OR9Q1: variants seen among roughly 807,000 people sequenced by gnomAD.
OR9Q1 encodes olfactory receptor 9Q1.
For missense variants in OR9Q1, 374 were observed against 378.8 expected, an observed-to-expected ratio of 0.99 and a Z score of 0.11; for synonymous variants, 153 against 148.6, an observed-to-expected ratio of 1.03 and a Z score of -0.22.
intron 2 of OR9Q1, among the ~76,000 whole-genome samples, chr11:58,090,160 CTG>C (rs1214027712): frequency 6.6e-6 from 1 of 152,160 alleles, no homozygotes. Flanking sequence ...TCTGATTGCG[CTG>C]GTCAGAACTT....
chr11:58,109,788 T>C (rs747870848), intron 2 of OR9Q1: 17 of 349,558 alleles, frequency 4.9e-5, no homozygotes, highest in Non-Finnish European at 9.5e-5. Flanking sequence ...AGAAAAAAAG[T>C]ATTTACCATC....
intron 2 of OR9Q1, among the ~76,000 whole-genome samples, chr11:58,120,938 A>C (rs557428801): frequency 8.6e-5 from 13 of 151,834 alleles, no homozygotes; most frequent in Admixed American, 3.3e-4. Flanking sequence ...TAACAAAAAA[A>C]TCAGTCTTTT....
chr11:58,139,618 A>C (rs1854224154), intron 2 of OR9Q1, among the ~76,000 whole-genome samples: 1 of 151,948 alleles, frequency 6.6e-6, no homozygotes, highest in Non-Finnish European at 1.5e-5. Flanking sequence ...TGAACTCATC[A>C]TTTTTTATGG....
At chr11:58,163,784 C>T (rs1854476762) in intron 2 of OR9Q1, among the ~76,000 whole-genome samples, 1 of 152,106 alleles carries the variant, frequency 6.6e-6, no homozygotes, top group Non-Finnish European at 1.5e-5. Context: ...ACACAGCTGG[C>T]GAGGGTGGCA....
intron 2 of OR9Q1, among the ~76,000 whole-genome samples, chr11:58,106,353 T>C (rs1279674128): frequency 6.6e-6 from 1 of 152,114 alleles, no homozygotes; most frequent in Non-Finnish European, 1.5e-5. Flanking sequence ...ATTTATTTTA[T>C]TACAATTGAG....
chr11:58,170,318 T>A (rs1407599010), intron 2 of OR9Q1, among the ~76,000 whole-genome samples: 1 of 146,194 alleles, frequency 6.8e-6, no homozygotes, highest in Non-Finnish European at 1.5e-5. Context: ...CTCTCCAGCC[T>A]ACACATAACA....
intron 2 of OR9Q1, among the ~76,000 whole-genome samples, chr11:58,175,763 G>T (rs1470252740): frequency 1.0e-4 from 15 of 150,526 alleles, no homozygotes; most frequent in African/African-American, 3.4e-4. Flanking sequence ...TTTTCTCTTG[G>T]TTATCATAAT....
At chr11:58,037,677 A>T (rs865820925) in intron 1 of OR9Q1, among the ~76,000 whole-genome samples, 2 of 32,370 alleles carry the variant, frequency 6.2e-5, no homozygotes, top group Non-Finnish European at 1.2e-4. Flanking sequence ...ATATATATAT[A>T]TATATATATA....
chr11:58,031,994 G>GC, intron 1 of OR9Q1: 1 of 716,330 alleles, frequency 1.4e-6, no homozygotes. Context: ...AATCAAGAAT[G>GC]CAGTTCCATT....
intron 2 of OR9Q1, among the ~76,000 whole-genome samples, chr11:58,068,968 G>A (rs2120014343): frequency 6.6e-6 from 1 of 152,254 alleles, no homozygotes; most frequent in Non-Finnish European, 1.5e-5. Flanking sequence ...ACATGTTCAG[G>A]AACCTCAGAA....
intron 2 of OR9Q1, among the ~76,000 whole-genome samples, chr11:58,178,243 ATAAT>A (rs376368607): frequency 5.9e-5 from 9 of 152,360 alleles, no homozygotes; most frequent in Admixed American, 2.6e-4. Flanking sequence ...ATAGAGGCAA[ATAAT>A]TTGCGTATTT....
intron 2 of OR9Q1, among the ~76,000 whole-genome samples, chr11:58,176,517 G>A (rs1854608446): frequency 6.6e-6 from 1 of 152,192 alleles, no homozygotes; most frequent in Non-Finnish European, 1.5e-5. Context: ...GGAAGAGGCT[G>A]TTCCCCAATC....
chr11:58,092,890 T>G (rs1357660142), intron 2 of OR9Q1, among the ~76,000 whole-genome samples: 1 of 152,210 alleles, frequency 6.6e-6, no homozygotes. Flanking sequence ...AGAGTCATAT[T>G]TTAAAAGCTT....
intron 2 of OR9Q1, among the ~76,000 whole-genome samples, chr11:58,095,492 T>C (rs1853722040): frequency 6.6e-6 from 1 of 152,222 alleles, no homozygotes; most frequent in South Asian, 2.1e-4. Context: ...GAAAGAGGTT[T>C]AATTGACTCA....
chr11:58,121,569 A>T (rs1854032879), intron 2 of OR9Q1, among the ~76,000 whole-genome samples: 1 of 152,190 alleles, frequency 6.6e-6, no homozygotes, highest in African/African-American at 2.4e-5. Flanking sequence ...AGATTCCATT[A>T]TCCTACACTG....
chr11:58,140,247 T>C lies in OR9Q1; in HGVS notation c.-14-39184T>C, dbSNP rs542158071. Reference sequence around the variant, plus strand: ...CCCATTCTGTAGGTTGCCTGTTCACTCTGATGGTGGTTTCTTTTGCTGTGC... The same window carrying C: ...CCCATTCTGTAGGTTGCCTGTTCACCCTGATGGTGGTTTCTTTTGCTGTGC... On this transcript the variant is annotated intron_variant, in intron 2 of 2. Coordinates refer to ENST00000335397, the MANE Select transcript of OR9Q1 (RefSeq NM_001005212.4). Among the ~76,000 whole-genome samples, 27 of 152,276 alleles carry C rather than the reference T, an allele frequency of 1.8e-4. No individual in the cohort carries two copies. The East Asian group carries it at 4.1e-3, about 23-fold the overall frequency.
At position 58,180,047 on chromosome 11, in the gene OR9Q1, G is replaced by A; in HGVS notation, c.603G>A (p.Met201Ile). The A allele has an allele frequency of 6.2e-7, 1 of 1,614,158 alleles. No homozygotes were observed. The highest frequency in any genetic ancestry group is 1.1e-5 in the South Asian group (1 of 91,082). ...ESYTQEVLII[M>I]FAIFVIPASM... ...ACACTCAAGAAGTGCTGATTATTAT[G>A]TTTGCCATTTTTGTCATCCCTGCTT... is the stretch of plus-strand genomic sequence containing the variant. The change falls in exon 3 of 3, where the codon ATG becomes ATA. Residue 201 changes from methionine to isoleucine, a missense_variant. Coordinates refer to ENST00000335397, the MANE Select transcript of OR9Q1 (RefSeq NM_001005212.4).
chr11:58,031,637 C>G (rs1043342579), intron 1 of OR9Q1: 1 of 1,082,332 alleles, frequency 9.2e-7, no homozygotes, highest in African/African-American at 1.8e-5. Context: ...CGTCTGGACA[C>G]TGCTGCACAT....
chr11:58,144,192 C>A (rs966328658), intron 2 of OR9Q1, among the ~76,000 whole-genome samples: 2 of 125,954 alleles, frequency 1.6e-5, no homozygotes, highest in African/African-American at 6.1e-5. Flanking sequence ...CCCCACCCCA[C>A]AACAGTCCCC....
Sources: allele counts gnomAD v4.1 joint callset (sites outside exome capture counted in the v4.1 genomes callset), GRCh38; gene constraint gnomAD v4.1.1; transcripts MANE v1.5; gene names NCBI Gene and HGNC (gene_info 2026-07-23, HGNC 2026-07-21).